Variants in MANBA observed in about 807,000 individuals in gnomAD.
MANBA encodes mannosidase beta.
Under a neutral mutation model 111.1 loss-of-function variants are expected in MANBA, and 83 were observed. The ratio of observed to expected loss-of-function variants is 0.75; its 90% CI spans 0.63 to 0.90. The LOEUF is 0.90. MANBA is among the 40% of genes least tolerant of loss of function. The pLI, the probability that MANBA is intolerant of heterozygous loss-of-function variation, is 0.00. For missense variants in MANBA, 1,036 were observed against 1,069.0 expected, an observed-to-expected ratio of 0.97 and a Z score of 0.43; for synonymous variants, 370 against 378.7, an observed-to-expected ratio of 0.98 and a Z score of 0.27.
At chr4:102,710,400 CCCATT>C (rs1392160676) in intron 5 of MANBA, among the ~76,000 whole-genome samples, 1 of 152,030 alleles carries the variant, frequency 6.6e-6, no homozygotes, top group Non-Finnish European at 1.5e-5. Context: ...AGAAGGCAAT[CCCATT>C]TACAATAGCT....
chr4:102,714,418 A>T lies in MANBA; in HGVS notation c.673+20T>A. ...ACAAGAAGACTCAAAAAGAAAAAAA[A>T]ATCACATCTTTCAGCTTACCATATA... On this transcript the variant is annotated intron_variant, in intron 5 of 16. Transcript: ENST00000647097. 1 of 1,597,196 alleles carries T rather than the reference A, an allele frequency of 6.3e-7. No individual in the cohort carries two copies. Among genetic ancestry groups the T allele is most frequent in the Non-Finnish European group, 8.6e-7 (1 of 1,165,118 alleles).
intron 10 of MANBA, chr4:102,667,773 T>C (rs755693237): frequency 6.6e-6 from 1 of 152,214 alleles, no homozygotes; most frequent in African/African-American, 2.4e-5. Context: ...CAGTTGGACA[T>C]GAGAAATTGA....
intron 5 of MANBA, among the ~76,000 whole-genome samples, chr4:102,694,927 A>G (rs145492488): frequency 1.6e-4 from 24 of 152,226 alleles, no homozygotes; most frequent in African/African-American, 5.8e-4. Context: ...TATAACCTCA[A>G]TCAGGAAGGC....
chr4:102,672,890 T>C (rs141150141), intron 8 of MANBA, among the ~76,000 whole-genome samples: 10 of 152,306 alleles, frequency 6.6e-5, no homozygotes, highest in Admixed American at 2.0e-4. Flanking sequence ...TCCATGAAAC[T>C]GGTTATTGGT....
In MANBA at chr4:102,713,459, A is replaced by G. The variant is rs372163619; in HGVS notation, c.673+979T>C. Among the ~76,000 whole-genome samples the G allele has an allele frequency of 1.5e-4, 23 of 152,334 alleles. No individual in the cohort carries two copies. In the East Asian group the frequency reaches 4.0e-3, roughly 27 times the overall value. ...ACCTACTCTATTTCTTTTATCAAAT[A>G]AACACAGCGCTGAGCAAAGAAAGCA... On this transcript the variant is annotated intron_variant, in intron 5 of 16. Transcript: ENST00000647097.
intron 12 of MANBA, among the ~76,000 whole-genome samples, chr4:102,655,338 A>C (rs531192864): frequency 1.3e-5 from 2 of 152,200 alleles, no homozygotes; most frequent in Non-Finnish European, 2.9e-5. Context: ...TTGGAAATGC[A>C]AGCCACCCAG....
At chr4:102,669,872 C>T (rs533469679) in intron 9 of MANBA, among the ~76,000 whole-genome samples, 2 of 151,714 alleles carry the variant, frequency 1.3e-5, no homozygotes, top group South Asian at 4.2e-4. Flanking sequence ...CCCAGCTACT[C>T]GGGAGGCTGA....
At chr4:102,685,929 TGAAGA>T (rs1732189291) in intron 7 of MANBA, among the ~76,000 whole-genome samples, 1 of 352 alleles carries the variant, frequency 2.8e-3, no homozygotes, top group Admixed American at 0.022. Flanking sequence ...GATTGAAGAC[TGAAGA>T]CTGAAGACTG....
chr4:102,713,556 C>T, intron 5 of MANBA, among the ~76,000 whole-genome samples: 1 of 152,172 alleles, frequency 6.6e-6, no homozygotes. Flanking sequence ...TTCAATGCTC[C>T]TTGATATTGA....
chr4:102,702,008 A>C (rs1733075183), intron 5 of MANBA, among the ~76,000 whole-genome samples: 1 of 151,984 alleles, frequency 6.6e-6, no homozygotes, highest in Non-Finnish European at 1.5e-5. Context: ...AGTCAGACGT[A>C]GATTTGGTCT....
At chr4:102,697,736 T>G (rs1173468469) in intron 5 of MANBA, among the ~76,000 whole-genome samples, 1 of 150,908 alleles carries the variant, frequency 6.6e-6, no homozygotes, top group Admixed American at 6.6e-5. Context: ...ATGTGCCACA[T>G]TTTCTTAATC....
intron 8 of MANBA, 115 bp downstream of exon 8, chr4:102,673,804 T>C (rs1432461461): frequency 2.1e-6 from 2 of 946,980 alleles, no homozygotes; most frequent in Admixed American, 2.0e-5. Flanking sequence ...TCTAGAATTC[T>C]ATACTACCTC....
intron 5 of MANBA, among the ~76,000 whole-genome samples, chr4:102,710,525 C>T (rs186116766): frequency 6.6e-6 from 1 of 151,906 alleles, no homozygotes. Context: ...ACAAACAAAT[C>T]GAAAAACATC....
chr4:102,719,881 G>A (rs1349229974), intron 4 of MANBA, among the ~76,000 whole-genome samples: 1 of 152,126 alleles, frequency 6.6e-6, no homozygotes, highest in Non-Finnish European at 1.5e-5. Flanking sequence ...ACTTGCAATT[G>A]TTCTGGAAGC....
At chr4:102,690,804 T>G in intron 5 of MANBA, 33 bp from the exon 6 acceptor site, 1 of 738,116 alleles carries the variant, frequency 1.4e-6, no homozygotes, top group Non-Finnish European at 1.9e-6. Context: ...AATATATATA[T>G]ATATATATAA....
chr4:102,685,395 G>A (rs1174276013), intron 7 of MANBA, among the ~76,000 whole-genome samples: 2 of 152,110 alleles, frequency 1.3e-5, no homozygotes, highest in Non-Finnish European at 2.9e-5. Flanking sequence ...ACTGACAAAA[G>A]TGTTTGCCAG....
At chr4:102,731,175 C>T (rs969750633) in intron 1 of MANBA, among the ~76,000 whole-genome samples, 2 of 150,758 alleles carry the variant, frequency 1.3e-5, no homozygotes, top group Non-Finnish European at 2.9e-5. Flanking sequence ...AATTGCCTTG[C>T]TGAAAGAATT....
intron 14 of MANBA, among the ~76,000 whole-genome samples, chr4:102,637,187 C>T (rs962749486): frequency 4.6e-5 from 7 of 152,202 alleles, no homozygotes; most frequent in African/African-American, 1.4e-4. Flanking sequence ...GGTATGTCTT[C>T]ATCAGCAGCA....
At chr4:102,639,991 A>G in intron 13 of MANBA, 134 bp from the exon 14 acceptor site, 3 of 900,564 alleles carry the variant, frequency 3.3e-6, no homozygotes, top group Non-Finnish European at 5.3e-6. Flanking sequence ...AGGGAATTTA[A>G]TTAGTATTAG....
Sources: allele counts gnomAD v4.1 joint callset (sites outside exome capture counted in the v4.1 genomes callset), GRCh38; gene constraint gnomAD v4.1.1; transcripts MANE v1.5; gene names NCBI Gene and HGNC (gene_info 2026-07-23, HGNC 2026-07-21).